Variants in SLCO3A1 observed in about 807,000 individuals in gnomAD.
SLCO3A1 encodes PGE1 transporter.
A neutral mutation model predicts 63.1 loss-of-function variants in SLCO3A1; 27 were observed. That is an observed-to-expected ratio of 0.43 (90% CI 0.32 to 0.59). The LOEUF is 0.59. Ranked by LOEUF, SLCO3A1 falls within the 20% of genes least tolerant of loss-of-function variation. SLCO3A1 has a pLI of 0.09. For missense variants in SLCO3A1, 773 were observed against 945.8 expected (o/e 0.82, Z 2.40); for synonymous variants, 473 against 409.9 (o/e 1.15, Z -1.86).
At chr15:91,871,079 T>C (rs1284849272) in intron 1 of SLCO3A1, among the ~76,000 whole-genome samples, 1 of 152,216 alleles carries the variant, frequency 6.6e-6, no homozygotes, top group Non-Finnish European at 1.5e-5. Context: ...TAACCATGCC[T>C]TGTGGTTTTT....
At chr15:92,052,636 A>G (rs986018124) in intron 2 of SLCO3A1, among the ~76,000 whole-genome samples, 3 of 152,218 alleles carry the variant, frequency 2.0e-5, no homozygotes, top group African/African-American at 7.2e-5. Flanking sequence ...CCTTATATGC[A>G]GCCTGGCTCC....
chr15:91,929,854 G>A (rs1183792431), intron 2 of SLCO3A1, among the ~76,000 whole-genome samples: 1 of 152,120 alleles, frequency 6.6e-6, no homozygotes, highest in East Asian at 1.9e-4. Flanking sequence ...CCATGTTGCA[G>A]CATTGGGTCA....
At position 91,874,741 on chromosome 15, in the gene SLCO3A1, T is replaced by C. The variant is rs117615748; in HGVS notation, c.180+20653T>C. On this transcript the variant is annotated intron_variant, in intron 1 of 9. Transcript: ENST00000318445. Reference sequence around the variant, plus strand: ...CATCTGGAATAATTTCCCCACTTTTTCCCCACTAGGTTAACTTTTTGAAGG... The same window carrying C: ...CATCTGGAATAATTTCCCCACTTTTCCCCCACTAGGTTAACTTTTTGAAGG... Among the ~76,000 whole-genome samples, 627 of 152,338 alleles carry C rather than the reference T, an allele frequency of 4.1e-3. 2 individuals are homozygous for C. Among genetic ancestry groups the C allele is most frequent in the Non-Finnish European group, 7.7e-3 (523 of 68,020 alleles).
chr15:91,904,392 G>A (rs778707078), intron 1 of SLCO3A1, among the ~76,000 whole-genome samples: 14 of 152,006 alleles, frequency 9.2e-5, no homozygotes, highest in Non-Finnish European at 1.5e-4. Context: ...TAAACTGGGC[G>A]TCAGGTGTGC....
chr15:91,941,681 TA>T lies in SLCO3A1; in HGVS notation c.646+25230del, dbSNP rs779172773. The stretch of plus-strand genomic sequence containing the variant: ...CGGGATGTTTGTTTCTCTTTGTCTT[TA>T]AAAAAATTATTTTTCCTCCTTTTTA... On this transcript the variant is annotated intron_variant, in intron 2 of 9. Coordinates refer to ENST00000318445, the MANE Select transcript of SLCO3A1 (RefSeq NM_013272.4). The surrounding 1 kb of genome is among the most constrained non-coding windows in gnomAD (Gnocchi z 4.4). 3 of 384,976 alleles carry T rather than the reference TA, an allele frequency of 7.8e-6. No individual in the cohort carries two copies. The highest frequency in any genetic ancestry group is 2.1e-5 in the African/African-American group (1 of 46,776). The allele number at this position is 384,976 out of a possible 1,614,324, so 23.8% of individuals were successfully genotyped here.
chr15:92,086,156 A>T (rs981530803), intron 2 of SLCO3A1, among the ~76,000 whole-genome samples: 1 of 152,072 alleles, frequency 6.6e-6, no homozygotes, highest in Non-Finnish European at 1.5e-5. Context: ...TTTACCAAGG[A>T]CTCAGAATTG....
chr15:91,975,632 A>G (rs1429662369), intron 2 of SLCO3A1, among the ~76,000 whole-genome samples: 1 of 152,234 alleles, frequency 6.6e-6, no homozygotes, highest in Non-Finnish European at 1.5e-5. Flanking sequence ...TTCTGTCTCC[A>G]GCAGACAAGC....
chr15:91,903,735 G>T (rs1444772004), intron 1 of SLCO3A1, among the ~76,000 whole-genome samples: 1 of 152,226 alleles, frequency 6.6e-6, no homozygotes, highest in Non-Finnish European at 1.5e-5. Flanking sequence ...GTGCTCAGGA[G>T]CAGGGCAGCA....
chr15:91,877,352 G>T (rs1897425661), intron 1 of SLCO3A1, among the ~76,000 whole-genome samples: 1 of 152,082 alleles, frequency 6.6e-6, no homozygotes, highest in African/African-American at 2.4e-5. Flanking sequence ...CGTGTTCTTT[G>T]AAGCTACTTT....
At chr15:92,012,519 A>G (rs1183220968) in intron 2 of SLCO3A1, among the ~76,000 whole-genome samples, 2 of 152,170 alleles carry the variant, frequency 1.3e-5, no homozygotes, top group African/African-American at 4.8e-5. Flanking sequence ...CCTTGTGGAA[A>G]GTGTCCCCTT....
chr15:91,916,597 A>G lies in SLCO3A1; in HGVS notation c.646+139A>G. The G allele has an allele frequency of 1.5e-6, 1 of 672,758 alleles. No homozygotes were observed. The highest frequency in any genetic ancestry group is 2.1e-5 in the South Asian group (1 of 47,844). 41.7% of individuals were successfully genotyped at this position (672,758 alleles called of 1,614,324 possible). A position where few individuals can be genotyped will look rare whatever the true frequency, so the allele number is the denominator to read the frequency against. ...CACCTAGTGTTCTTGAAAAATACTC[A>G]TGCCTGGGGGTGCAACCTGGGCATT... On this transcript the variant is annotated intron_variant, in intron 2 of 9. Transcript: ENST00000318445. This position sits in a 1 kb window ranked among gnomAD's most constrained non-coding sequence, Gnocchi z 6.2.
At chr15:92,071,197 G>A (rs2047211665) in intron 2 of SLCO3A1, among the ~76,000 whole-genome samples, 1 of 152,204 alleles carries the variant, frequency 6.6e-6, no homozygotes, top group South Asian at 2.1e-4. Context: ...CTGGGGGCAC[G>A]TGACCTGAGA....
chr15:91,971,047 C>T (rs1017391138), intron 2 of SLCO3A1, among the ~76,000 whole-genome samples: 12 of 152,080 alleles, frequency 7.9e-5, no homozygotes, highest in African/African-American at 2.9e-4. Context: ...AAGACATGTG[C>T]AGGGTGGGGA....
rs1343582396 is a variant in SLCO3A1 at position 91,931,501 on chromosome 15, C to T, written c.646+15043C>T. ...TTTTTTTTTTTTTGAGACAGAGTCT[C>T]GCTCTGTCACCCAGGCTGGAGTGCA... On this transcript the variant is annotated intron_variant, in intron 2 of 9. Coordinates refer to ENST00000318445, the MANE Select transcript of SLCO3A1 (RefSeq NM_013272.4). Among the ~76,000 whole-genome samples the T allele has an allele frequency of 6.0e-5, 9 of 150,658 alleles. No individual in the cohort carries two copies. In the East Asian group the frequency reaches 1.6e-3, roughly 26 times the overall value.
intron 1 of SLCO3A1, among the ~76,000 whole-genome samples, chr15:91,879,396 T>G (rs1312379861): frequency 6.6e-6 from 1 of 152,092 alleles, no homozygotes; most frequent in African/African-American, 2.4e-5. Flanking sequence ...GGGTGAGGGT[T>G]AGTAACATCT....
At chr15:92,172,110 T>C (rs973284946) in exon 11 of SLCO3A1, 3 of 424,106 alleles carry the variant, frequency 7.1e-6, no homozygotes, top group South Asian at 9.0e-5. Flanking sequence ...TAAAGAGTCA[T>C]GCTGACCTGG....
At chr15:92,016,254 T>TAGATAGATAGATTGATTAGA in intron 2 of SLCO3A1, among the ~76,000 whole-genome samples, 16 of 95,658 alleles carry the variant, frequency 1.7e-4, no homozygotes, top group African/African-American at 1.2e-4. Context: ...GATAGATAGA[T>TAGATAGATAGATTGATTAGA]TAGATAGATA....
Position 92,078,995 on chromosome 15 carries a change from C to T in SLCO3A1, c.647-15886C>T, listed in dbSNP as rs904927125. ...TGTGAGAAACAGTTTATCTTGTGTACCACGTTTAGGAAACTTATTTCCAAG... is the reference window on the plus strand; with the variant it reads ...TGTGAGAAACAGTTTATCTTGTGTATCACGTTTAGGAAACTTATTTCCAAG... On this transcript the variant is annotated intron_variant, in intron 2 of 9. Coordinates refer to ENST00000318445, the MANE Select transcript of SLCO3A1 (RefSeq NM_013272.4). 2.0e-5 allele frequency among the ~76,000 whole-genome samples: 3 copies of T among 152,196 alleles called. No individual in the cohort carries two copies. The South Asian group carries it at 6.2e-4, about 32-fold the overall frequency.
Position 91,863,026 on chromosome 15 carries a change from A to T in SLCO3A1, c.180+8938A>T, listed in dbSNP as rs1243692214. On this transcript the variant is annotated intron_variant, in intron 1 of 9. Transcript: ENST00000318445. The surrounding 1 kb of genome is among the most constrained non-coding windows in gnomAD (Gnocchi z 4.3). ...AAATTGGGAGAGCTGCCCTCAGCTG[A>T]TTATATAAGCTATAAAATACAGCAC... 1.3e-5 allele frequency among the ~76,000 whole-genome samples: 2 copies of T among 152,230 alleles called. No individual in the cohort carries two copies. The highest frequency in any genetic ancestry group is 4.8e-5 in the African/African-American group (2 of 41,458).
Sources: allele counts gnomAD v4.1 joint callset (sites outside exome capture counted in the v4.1 genomes callset), GRCh38; gene constraint gnomAD v4.1.1; non-coding constraint Gnocchi (gnomAD v3.1); transcripts MANE v1.5; gene names NCBI Gene and HGNC (gene_info 2026-07-23, HGNC 2026-07-21).